PATJ: variants seen among roughly 807,000 people sequenced by gnomAD.
PATJ encodes the protein inaD-like protein.
PATJ carries 190 observed loss-of-function variants against 224.9 expected under a neutral mutation model. That is an observed-to-expected ratio of 0.84 (90% confidence interval 0.75 to 0.95). PATJ has a LOEUF of 0.95. PATJ is among the 40% of genes least tolerant of loss of function. The probability of loss-of-function intolerance (pLI) is 0.00; values close to 1 mark genes in which losing one functional copy is unlikely to be tolerated. For synonymous variants in PATJ, 769 were observed against 820.3 expected (o/e 0.94, Z 1.07); for missense variants, 2,121 against 2,270.3 (o/e 0.93, Z 1.34).
At position 61,793,669 on chromosome 1, in the gene PATJ, T is replaced by C. The variant is rs529489685; in HGVS notation, c.1169-1798T>C. ...AGGCAGAGGCTGCAGTGAGCCGTGA[T>C]TGTGCCACTGCACACCAACCTGCAA... On this transcript the variant is annotated intron_variant, in intron 9 of 43. Transcript: ENST00000642238. 5.9e-5 allele frequency among the ~76,000 whole-genome samples: 9 copies of C among 151,292 alleles called. No individual in the cohort carries two copies. In the East Asian group the frequency reaches 1.8e-3, roughly 30 times the overall value.
chr1:61,972,770 A>G (rs528283963), intron 27 of PATJ, among the ~76,000 whole-genome samples: 1 of 152,190 alleles, frequency 6.6e-6, no homozygotes, highest in Non-Finnish European at 1.5e-5. Flanking sequence ...GTGATTACTT[A>G]AAAGAACCAG....
At chr1:61,795,774 T>C (rs1570544364) in intron 10 of PATJ, among the ~76,000 whole-genome samples, 1 of 147,966 alleles carries the variant, frequency 6.8e-6, no homozygotes, top group Non-Finnish European at 1.5e-5. Context: ...CTAAACATAT[T>C]GGTAAAAAAG....
At chr1:62,049,779 G>A (rs563618322) in intron 30 of PATJ, among the ~76,000 whole-genome samples, 2 of 152,230 alleles carry the variant, frequency 1.3e-5, no homozygotes, top group South Asian at 4.1e-4. Flanking sequence ...AAGAAAACAA[G>A]TACTCAGTGC....
At chr1:61,852,189 A>G (rs1054215772) in intron 17 of PATJ, among the ~76,000 whole-genome samples, 1 of 151,762 alleles carries the variant, frequency 6.6e-6, no homozygotes, top group African/African-American at 2.4e-5. Context: ...AACCAAACAT[A>G]TGGTACACTG....
intron 24 of PATJ, 106 bp downstream of exon 24, chr1:61,901,565 C>T (rs527666212): frequency 5.3e-5 from 39 of 741,658 alleles, no homozygotes; most frequent in Middle Eastern, 2.5e-4. Flanking sequence ...CGTGTGTGTA[C>T]AGTTGGTGTG....
chr1:61,872,042 C>T (rs979886653), intron 20 of PATJ, among the ~76,000 whole-genome samples: 2 of 152,024 alleles, frequency 1.3e-5, no homozygotes, highest in East Asian at 3.9e-4. Flanking sequence ...CCTATCATAC[C>T]CAATGTATTG....
At chr1:61,994,872 G>A (rs1645266752) in intron 28 of PATJ, among the ~76,000 whole-genome samples, 1 of 152,112 alleles carries the variant, frequency 6.6e-6, no homozygotes, top group African/African-American at 2.4e-5. Context: ...GGATTCTTAA[G>A]CATTTATAAC....
In PATJ at chr1:62,106,156, G is replaced by GTATATATATATATATATATA. The variant is rs1372747156; in HGVS notation, c.4378-2280_4378-2279insATATATATATATATATATAT. Among the ~76,000 whole-genome samples, 364 of 54,782 alleles carry GTATATATATATATATATATA rather than the reference G, an allele frequency of 6.6e-3. 38 individuals are homozygous for GTATATATATATATATATATA. Among genetic ancestry groups the GTATATATATATATATATATA allele is most frequent in the Non-Finnish European group, 0.012 (289 of 24,114 alleles). 35.9% of individuals were successfully genotyped at this position (54,782 alleles called of 152,430 possible). A position where few individuals can be genotyped will look rare whatever the true frequency, so the allele number is the denominator to read the frequency against. ...TATACATGTGTATATGTGTGTGTGTGTGTATATATATATATATATATATAT... is the reference window on the plus strand; with the variant it reads ...TATACATGTGTATATGTGTGTGTGTGTATATATATATATATATATATGTATATATATATATATATATATAT... On this transcript the variant is annotated intron_variant, in intron 33 of 43. Transcript: ENST00000642238.
chr1:61,764,007 T>G (rs79771783), intron 3 of PATJ, among the ~76,000 whole-genome samples: 3,266 of 149,674 alleles, frequency 0.022, 87 homozygotes, highest in African/African-American at 0.058. Context: ...GTCTTTTTTT[T>G]TGTGTGTGTG....
chr1:61,825,362 C>T (rs1480568324), intron 15 of PATJ, among the ~76,000 whole-genome samples: 3 of 152,108 alleles, frequency 2.0e-5, no homozygotes, highest in Admixed American at 2.0e-4. Flanking sequence ...TTTGACAGCA[C>T]TTAGGAGGGT....
intron 18 of PATJ, among the ~76,000 whole-genome samples, chr1:61,861,015 TATTA>T (rs965290186): frequency 6.6e-6 from 1 of 151,436 alleles, no homozygotes; most frequent in African/African-American, 2.4e-5. Flanking sequence ...TATATTAATG[TATTA>T]ATTAATATAT....
intron 27 of PATJ, among the ~76,000 whole-genome samples, chr1:61,961,032 G>A (rs1302724208): frequency 6.6e-6 from 1 of 152,196 alleles, no homozygotes; most frequent in Non-Finnish European, 1.5e-5. Context: ...ATCAGTCTGA[G>A]AAAAGTTAAG....
rs183643567 is a variant in PATJ at position 62,101,419 on chromosome 1, C to T, written c.4378-7018C>T. Among the ~76,000 whole-genome samples, 439 of 152,038 alleles carry T rather than the reference C, an allele frequency of 2.9e-3. 6 individuals carry two copies. The highest frequency in any genetic ancestry group is 1.6e-3 in the Admixed American group (24 of 15,280). ...CTGGGACTACAGGCACGCACTATCA[C>T]GCCCAGCTAATTTTTGAGTTTTTAG... On this transcript the variant is annotated intron_variant, in intron 33 of 43. Coordinates refer to ENST00000642238, the MANE Select transcript of PATJ (RefSeq NM_001350145.3).
chr1:61,784,453 T>G (rs1369870595), intron 7 of PATJ, among the ~76,000 whole-genome samples: 1 of 152,250 alleles, frequency 6.6e-6, no homozygotes, highest in Non-Finnish European at 1.5e-5. Context: ...ATTTTTGTAC[T>G]TATGAATTCT....
chr1:61,892,521 A>G (rs554214058), intron 22 of PATJ, among the ~76,000 whole-genome samples: 25 of 152,256 alleles, frequency 1.6e-4, no homozygotes, highest in African/African-American at 5.8e-4. Flanking sequence ...AAATCTGTAA[A>G]GAATTATAAC....
intron 1 of PATJ, among the ~76,000 whole-genome samples, chr1:61,757,478 T>C (rs1570289491): frequency 6.6e-6 from 1 of 152,084 alleles, no homozygotes; most frequent in Non-Finnish European, 1.5e-5. Context: ...TCAACCTTCC[T>C]GAGCCCAGGT....
chr1:61,885,794 T>C (rs1204293480), intron 22 of PATJ, among the ~76,000 whole-genome samples: 1 of 151,746 alleles, frequency 6.6e-6, no homozygotes, highest in Non-Finnish European at 1.5e-5. Flanking sequence ...CCAACAATGA[T>C]AGACTGGATT....
In PATJ at chr1:62,116,430, A is replaced by G. The variant is rs535803951; in HGVS notation, c.4656-102A>G. ...AACAAAAAGAAAACAAAACTGGAAG[A>G]AGAAAGGAGCATATATGTGTGTGCA... On this transcript the variant is annotated intron_variant, in intron 35 of 43. Transcript: ENST00000642238. The G allele has an allele frequency of 2.3e-5, 31 of 1,334,074 alleles. 1 individual carries two copies. In the East Asian group the frequency reaches 7.7e-4, roughly 33 times the overall value. The allele number at this position is 1,334,074 out of a possible 1,614,324, so 82.6% of individuals were successfully genotyped here.
rs1437984515 is a variant in PATJ at position 62,086,853 on chromosome 1, T to C, written c.4377+2205T>C. Among the ~76,000 whole-genome samples, 2 of 152,150 alleles carry C rather than the reference T, an allele frequency of 1.3e-5. No homozygotes were observed. The highest frequency in any genetic ancestry group is 2.9e-5 in the Non-Finnish European group (2 of 68,018). On this transcript the variant is annotated intron_variant, in intron 33 of 43. Coordinates refer to ENST00000642238, the MANE Select transcript of PATJ (RefSeq NM_001350145.3). This position sits in a 1 kb window ranked among gnomAD's most constrained non-coding sequence, Gnocchi z 4.0. ...GCGAGTGCAGGACCCAGCTGGCTGC[T>C]TTGGGTGCCGGCAGGAGCAGGCTCT... is the stretch of plus-strand genomic sequence containing the variant.
Sources: gnomAD v4.1 joint callset for allele counts (sites outside exome capture counted in the v4.1 genomes callset) on GRCh38, gnomAD v4.1.1 for gene constraint, Gnocchi (gnomAD v3.1) non-coding constraint, MANE v1.5 for transcripts, NCBI Gene and HGNC (gene_info 2026-07-23, HGNC 2026-07-21) for gene names.